HMMR: variants seen among roughly 807,000 people sequenced by gnomAD.
HMMR encodes intracellular hyaluronic acid-binding protein.
HMMR carries 108 observed loss-of-function variants against 101.0 expected under a neutral mutation model. The observed-to-expected ratio is 1.07, with a 90% CI of 0.92 to 1.25. HMMR has a LOEUF of 1.25. Among genes scored for constraint, HMMR ranks in the 50% most tolerant of loss-of-function variants. The probability of loss-of-function intolerance (pLI) is 0.00; values close to 1 mark genes in which losing one functional copy is unlikely to be tolerated. For synonymous variants in HMMR, 296 were observed against 276.4 expected, an observed-to-expected ratio of 1.07 and a Z score of -0.70; for missense variants, 813 against 788.7, an observed-to-expected ratio of 1.03 and a Z score of -0.37.
At chr5:163,470,428 C>A (rs1299086980) in intron 5 of HMMR, among the ~76,000 whole-genome samples, 1 of 152,004 alleles carries the variant, frequency 6.6e-6, no homozygotes, top group East Asian at 1.9e-4. Flanking sequence ...TTGAGACTAG[C>A]CTAGCCTAAC....
In HMMR at chr5:163,490,486, G is replaced by T. The variant is rs780743612; in HGVS notation, c.2059G>T (p.Asp687Tyr). 1.2e-5 allele frequency: 19 copies of T among 1,604,396 alleles called. No individual in the cohort carries two copies. The East Asian group carries it at 4.0e-4, about 34-fold the overall frequency. ...LNKVLGIKHF[D>Y]PSKAFHHESK... ...TAAAGTTCTAGGTATCAAACACTTT[G>T]ATCCTTCAAAGGCTTTTCATCATGA... The change falls in exon 17 of 18, where the codon GAT (aspartate) becomes TAT (tyrosine). Residue 687 changes from aspartate (D) to tyrosine (Y), a missense_variant. Asp to Tyr is a radical substitution (Grantham distance 160, BLOSUM62 -3). Transcript: ENST00000393915.
intron 12 of HMMR, among the ~76,000 whole-genome samples, chr5:163,479,481 G>A (rs1759185079): frequency 6.6e-6 from 1 of 151,992 alleles, no homozygotes; most frequent in African/African-American, 2.4e-5. Context: ...GACCAGCCTG[G>A]GCAATAGAGT....
At position 163,475,619 on chromosome 5, in the gene HMMR, G is replaced by A; in HGVS notation, c.1215G>A (p.Glu405=). ...QAERLVKQLE[E]EAKSRAEELK... is the part of the protein sequence containing the mutation. ...AAAGGCTGGTCAAGCAATTGGAAGA[G>A]GAAGCAAAATCTAGAGCTGAAGAAT... Residue 405 remains glutamate, a synonymous_variant, in exon 11 of 18, where the codon GAG becomes GAA. Transcript: ENST00000393915. 1 of 1,612,934 alleles carries A rather than the reference G, an allele frequency of 6.2e-7. No homozygotes were observed. Among genetic ancestry groups the A allele is most frequent in the Admixed American group, 1.7e-5 (1 of 59,952 alleles).
chr5:163,486,804 C>T (rs933710122), intron 16 of HMMR, among the ~76,000 whole-genome samples: 3 of 152,162 alleles, frequency 2.0e-5, no homozygotes, highest in South Asian at 2.1e-4. Flanking sequence ...GTTGGCCAGC[C>T]GAGGTGGCTT....
chr5:163,486,816 C>T (rs369929652), intron 16 of HMMR, among the ~76,000 whole-genome samples: 5 of 152,214 alleles, frequency 3.3e-5, no homozygotes, highest in African/African-American at 7.2e-5. Context: ...AGGTGGCTTA[C>T]GCCTATAATC....
chr5:163,476,150 TA>T (rs776602864), intron 11 of HMMR, among the ~76,000 whole-genome samples: 1 of 151,648 alleles, frequency 6.6e-6, no homozygotes, highest in East Asian at 1.9e-4. Context: ...TCGTCTCTAC[TA>T]AAAATTAAAA....
chr5:163,484,651 A>C, intron 16 of HMMR, among the ~76,000 whole-genome samples: 1 of 152,184 alleles, frequency 6.6e-6, no homozygotes, highest in East Asian at 1.9e-4. Context: ...TGGACAATTC[A>C]GTGTTTTTTA....
rs757728803 is a variant in HMMR at position 163,473,398 on chromosome 5, G to A, written c.745G>A (p.Glu249Lys). 6.2e-7 allele frequency: 1 copy of A among 1,610,004 alleles called. No individual in the cohort carries two copies. The highest frequency in any genetic ancestry group is 2.2e-5 in the East Asian group (1 of 44,668). ...ATGCAGTTGTGCTTCAGATCAAGTG[G>A]AAAAATACAAGCTAGATATTGCCCA... is the stretch of plus-strand genomic sequence containing the variant. ...EEISCASDQV[E>K]KYKLDIAQLE... Residue 249 changes from glutamate (E) to lysine (K), a missense_variant, in exon 9 of 18, where the codon GAA becomes AAA. Coordinates refer to ENST00000393915, the MANE Select transcript of HMMR (RefSeq NM_001142556.2).
chr5:163,482,750 G>A lies in HMMR; in HGVS notation c.1494G>A (p.Gln498=), dbSNP rs1759316713. The change falls in exon 13 of 18, where the codon CAG becomes CAA. Residue 498 remains glutamine (Q), a synonymous_variant. Coordinates refer to ENST00000393915, the MANE Select transcript of HMMR (RefSeq NM_001142556.2). Reference sequence around the variant, plus strand: ...AAAATGCAGAGGATGTTCAGCATCAGATTTTGGCAACTGAGAGCTCAAATC... The same window carrying A: ...AAAATGCAGAGGATGTTCAGCATCAAATTTTGGCAACTGAGAGCTCAAATC... The part of the protein sequence containing the change: ...AGKNAEDVQH[Q]ILATESSNQE... 1 of 1,613,980 alleles carries A rather than the reference G, an allele frequency of 6.2e-7. No individual in the cohort carries two copies. Among genetic ancestry groups the A allele is most frequent in the Non-Finnish European group, 8.5e-7 (1 of 1,179,880 alleles).
At chr5:163,473,326 T>C in intron 8 of HMMR, 53 bp from the exon 9 acceptor site, 1 of 1,529,004 alleles carries the variant, frequency 6.5e-7, no homozygotes, top group Non-Finnish European at 9.0e-7. Context: ...TTTTCTGTTA[T>C]TTTCCCTGTG....
chr5:163,473,560 A>G lies in HMMR; in HGVS notation c.904+3A>G. ...TCAGCTGCTTGAAAAAGAAAAAGGTATTACAGTGTTTTATAGTTACTTTGT... is the reference window on the plus strand; with the variant it reads ...TCAGCTGCTTGAAAAAGAAAAAGGTGTTACAGTGTTTTATAGTTACTTTGT... On this transcript the variant is annotated splice_donor_region_variant and intron_variant, in intron 9 of 17. Coordinates refer to ENST00000393915, the MANE Select transcript of HMMR (RefSeq NM_001142556.2). The G allele has an allele frequency of 1.3e-6, 2 of 1,541,834 alleles. No individual in the cohort carries two copies. Among genetic ancestry groups the G allele is most frequent in the Non-Finnish European group, 1.8e-6 (2 of 1,134,286 alleles).
rs202124506 is a variant in HMMR, at chr5:163,484,192, C to T, written c.1909C>T (p.Gln637Ter). 2.7e-5 allele frequency: 44 copies of T among 1,601,778 alleles called. No individual in the cohort carries two copies. The highest frequency in any genetic ancestry group is 3.4e-5 in the Non-Finnish European group (40 of 1,174,476). The change falls in exon 16 of 18, where the codon CAA (glutamine) becomes TAA (stop). Residue 637 changes from glutamine (Q) to a stop codon, truncating the protein, a stop_gained. Transcript: ENST00000393915. LOFTEE classifies it high-confidence loss of function. The part of the protein sequence containing the change: ...AKLLGHQNLK[Q>*]KIKHVVKLKD... ...ATTATTGGGTCATCAGAATTTGAAA[C>T]AAAAAATCAAGCATGTTGTGAAGTT...
intron 3 of HMMR, among the ~76,000 whole-genome samples, chr5:163,466,308 G>GT (rs1259210062): frequency 6.6e-6 from 1 of 152,040 alleles, no homozygotes; most frequent in Non-Finnish European, 1.5e-5. Flanking sequence ...AAATTAATAG[G>GT]TTTTTTGATG....
intron 16 of HMMR, among the ~76,000 whole-genome samples, chr5:163,488,343 G>A (rs909855841): frequency 1.3e-5 from 2 of 152,102 alleles, no homozygotes; most frequent in East Asian, 1.9e-4. Flanking sequence ...TCCAACATCC[G>A]ATTACTCTCA....
At chr5:163,489,940 A>T (rs1344694567) in intron 16 of HMMR, among the ~76,000 whole-genome samples, 1 of 152,162 alleles carries the variant, frequency 6.6e-6, no homozygotes, top group Non-Finnish European at 1.5e-5. Flanking sequence ...TTTGGCTTAA[A>T]CACTGCAGAC....
At position 163,484,188 on chromosome 5, in the gene HMMR, G is replaced by C. The variant is rs1304486830; in HGVS notation, c.1905G>C (p.Leu635Phe). ...CTAAATTATTGGGTCATCAGAATTT[G>C]AAACAAAAAATCAAGCATGTTGTGA... is the stretch of plus-strand genomic sequence containing the variant. ...SYAKLLGHQN[L>F]KQKIKHVVKL... Residue 635 changes from leucine (L) to phenylalanine (F), a missense_variant, in exon 16 of 18, where the codon TTG (leucine) becomes TTC (phenylalanine). Transcript: ENST00000393915. 6.2e-7 allele frequency: 1 copy of C among 1,604,842 alleles called. No homozygotes were observed. Among genetic ancestry groups the C allele is most frequent in the Admixed American group, 1.7e-5 (1 of 58,538 alleles).
chr5:163,469,892 G>T, intron 5 of HMMR, 63 bp downstream of exon 5: 1 of 1,168,808 alleles, frequency 8.6e-7, no homozygotes, highest in Admixed American at 2.2e-5. Flanking sequence ...TTAGGGCCGG[G>T]CACGGTGGCT....
At chr5:163,482,073 G>A (rs775708494) in intron 12 of HMMR, among the ~76,000 whole-genome samples, 2 of 152,016 alleles carry the variant, frequency 1.3e-5, no homozygotes, top group African/African-American at 2.4e-5. Context: ...CCACCACCAC[G>A]CTTGGCTAAT....
At chr5:163,477,697 G>A (rs1759114661) in intron 11 of HMMR, among the ~76,000 whole-genome samples, 1 of 152,090 alleles carries the variant, frequency 6.6e-6, no homozygotes, top group Admixed American at 6.6e-5. Context: ...TAGCTAGCTG[G>A]TTGATTCTGA....
Sources: allele counts gnomAD v4.1 joint callset (sites outside exome capture counted in the v4.1 genomes callset), GRCh38; gene constraint gnomAD v4.1.1; transcripts MANE v1.5; gene names NCBI Gene and HGNC (gene_info 2026-07-23, HGNC 2026-07-21).